Variants in IQCM observed in about 807,000 individuals in gnomAD.
IQCM encodes the protein IQ domain-containing protein M.
A neutral mutation model predicts 57.6 loss-of-function variants in IQCM; 45 were observed. The ratio of observed to expected loss-of-function variants is 0.78; its 90% CI spans 0.62 to 1.00. The LOEUF is 1.00. IQCM is among the 50% of genes least tolerant of loss of function. IQCM has a pLI of 0.00. For synonymous variants in IQCM, 148 were observed against 158.9 expected (o/e 0.93, Z 0.51); for missense variants, 468 against 511.6 (o/e 0.91, Z 0.82).
chr4:149,598,324 A>G (rs1457099404), intron 8 of IQCM, among the ~76,000 whole-genome samples: 1 of 152,188 alleles, frequency 6.6e-6, no homozygotes, highest in Non-Finnish European at 1.5e-5. Context: ...TCAATCTACC[A>G]TCGTTGTGTG....
intron 8 of IQCM, among the ~76,000 whole-genome samples, chr4:149,616,561 C>T (rs1379722709): frequency 2.0e-5 from 3 of 151,892 alleles, no homozygotes; most frequent in African/African-American, 7.3e-5. Flanking sequence ...GAACTATAAA[C>T]TTAAAAATGG....
At chr4:149,360,391 C>A (rs1039464647) in intron 13 of IQCM, among the ~76,000 whole-genome samples, 7 of 152,234 alleles carry the variant, frequency 4.6e-5, no homozygotes, top group African/African-American at 1.7e-4. Flanking sequence ...AATACTACAT[C>A]ATTTTTTATA....
chr4:149,366,839 T>C (rs992896785), intron 13 of IQCM, among the ~76,000 whole-genome samples: 21 of 151,946 alleles, frequency 1.4e-4, no homozygotes, highest in Admixed American at 6.6e-5. Context: ...CCTGTATGTA[T>C]AAAAATTTTC....
chr4:149,703,056 T>C (rs1763887723), intron 5 of IQCM, among the ~76,000 whole-genome samples: 1 of 151,976 alleles, frequency 6.6e-6, no homozygotes, highest in Non-Finnish European at 1.5e-5. Flanking sequence ...CTAACATAGC[T>C]TGCTTTGTGT....
chr4:149,544,722 G>C (rs1399147856), intron 12 of IQCM, among the ~76,000 whole-genome samples: 3 of 152,152 alleles, frequency 2.0e-5, no homozygotes, highest in Admixed American at 2.0e-4. Context: ...ATAGAATAGA[G>C]AGCCAAGAAA....
intron 12 of IQCM, among the ~76,000 whole-genome samples, chr4:149,483,143 A>AT (rs1240951850): frequency 6.6e-6 from 1 of 151,608 alleles, no homozygotes; most frequent in Non-Finnish European, 1.5e-5. Flanking sequence ...TTTTATTAAT[A>AT]TTTATTTGCA....
At chr4:149,642,397 G>T (rs542313358) in intron 7 of IQCM, among the ~76,000 whole-genome samples, 3 of 152,204 alleles carry the variant, frequency 2.0e-5, no homozygotes, top group African/African-American at 7.2e-5. Flanking sequence ...CATACCCATT[G>T]GTGTGTAATT....
intron 2 of IQCM, among the ~76,000 whole-genome samples, chr4:149,770,376 T>C (rs1770460163): frequency 6.6e-6 from 1 of 152,072 alleles, no homozygotes; most frequent in Non-Finnish European, 1.5e-5. Flanking sequence ...AAGAAAGTTG[T>C]AATATCAATT....
In IQCM at chr4:149,735,386, T is replaced by C; in HGVS notation, c.110A>G (p.Lys37Arg). Residue 37 changes from lysine to arginine, a missense_variant, in exon 4 of 14, where the codon AAA becomes AGA. Coordinates refer to ENST00000636793, the MANE Select transcript of IQCM (RefSeq NM_001363507.2). ...AKTLIAQHYEKINENKVQGTS... is the reference protein window; with the variant it reads ...AKTLIAQHYERINENKVQGTS... The stretch of plus-strand genomic sequence containing the variant: ...ATGCAAAGGACTAACCTCATTTATT[T>C]TCTCATAATGTTGGGCAATGAGAGT... 8.1e-7 allele frequency: 1 copy of C among 1,227,060 alleles called. No homozygotes were observed. Among genetic ancestry groups the C allele is most frequent in the Non-Finnish European group, 1.0e-6 (1 of 983,568 alleles). The allele number at this position is 1,227,060 out of a possible 1,614,324, so 76.0% of individuals were successfully genotyped here.
chr4:149,488,023 C>A (rs1057012861), intron 12 of IQCM, among the ~76,000 whole-genome samples: 2 of 152,024 alleles, frequency 1.3e-5, no homozygotes, highest in Middle Eastern at 3.2e-3. Flanking sequence ...TCTATTCTGC[C>A]ATCTTGCTCT....
intron 12 of IQCM, among the ~76,000 whole-genome samples, chr4:149,459,695 T>G (rs1738067390): frequency 6.6e-6 from 1 of 152,186 alleles, no homozygotes; most frequent in African/African-American, 2.4e-5. Flanking sequence ...ACAGAATCTG[T>G]CTGTGATTGG....
intron 12 of IQCM, among the ~76,000 whole-genome samples, chr4:149,441,982 T>C (rs757979854): frequency 2.5e-4 from 38 of 152,138 alleles, no homozygotes; most frequent in Non-Finnish European, 7.4e-5. Flanking sequence ...CCATCACTTG[T>C]TGCTAGCACC....
rs77711067 is a variant in IQCM, at chr4:149,687,203, C to A, written c.386-735G>T. Among the ~76,000 whole-genome samples, 403 of 151,564 alleles carry A rather than the reference C, an allele frequency of 2.7e-3. 15 individuals are homozygous for A. In the East Asian group the frequency reaches 0.069, roughly 26 times the overall value. ...TTAGAAAATTACAGGCTAGATGGAT[C>A]TCAATGTCATCAAAAAGAAGAGCGT... On this transcript the variant is annotated intron_variant, in intron 5 of 13. Coordinates refer to ENST00000636793, the MANE Select transcript of IQCM (RefSeq NM_001363507.2).
intron 8 of IQCM, among the ~76,000 whole-genome samples, chr4:149,611,513 G>A (rs1243019916): frequency 1.3e-5 from 2 of 152,240 alleles, no homozygotes; most frequent in East Asian, 3.9e-4. Flanking sequence ...TAAAAAGGAT[G>A]AAATCCTGTC....
At chr4:149,482,754 T>A (rs549771743) in intron 12 of IQCM, among the ~76,000 whole-genome samples, 3 of 151,684 alleles carry the variant, frequency 2.0e-5, no homozygotes, top group Non-Finnish European at 4.4e-5. Flanking sequence ...TTTTTTAATG[T>A]GTCTTTGGTT....
rs368666748 is a variant in IQCM at position 149,459,193 on chromosome 4, A to G, written c.1229-25636T>C. The stretch of plus-strand genomic sequence containing the variant: ...ATAAAATAATTGTTCTCTTCTTTAA[A>G]TGAGATAAAAACAAAACACATACAG... On this transcript the variant is annotated intron_variant, in intron 12 of 13. Transcript: ENST00000636793. Among the ~76,000 whole-genome samples, 7 of 152,328 alleles carry G rather than the reference A, an allele frequency of 4.6e-5. No individual in the cohort carries two copies. In the East Asian group the frequency reaches 9.6e-4, roughly 21 times the overall value.
At chr4:149,389,983 T>C (rs2111079874) in intron 13 of IQCM, among the ~76,000 whole-genome samples, 1 of 152,076 alleles carries the variant, frequency 6.6e-6, no homozygotes, top group African/African-American at 2.4e-5. Flanking sequence ...AACTTTAGAA[T>C]CAGCTTATGA....
chr4:149,502,954 C>A (rs182850073), intron 12 of IQCM, among the ~76,000 whole-genome samples: 2 of 151,734 alleles, frequency 1.3e-5, no homozygotes, highest in African/African-American at 4.8e-5. Context: ...AGGCCGGGCA[C>A]GGTGGCTCAT....
intron 13 of IQCM, among the ~76,000 whole-genome samples, chr4:149,400,649 T>A (rs1193953864): frequency 6.6e-6 from 1 of 152,000 alleles, no homozygotes; most frequent in Non-Finnish European, 1.5e-5. Context: ...AGCCCTTCTG[T>A]ATATTAAAAT....
Sources: allele counts gnomAD v4.1 joint callset (sites outside exome capture counted in the v4.1 genomes callset), GRCh38; gene constraint gnomAD v4.1.1; transcripts MANE v1.5; gene names NCBI Gene and HGNC (gene_info 2026-07-23, HGNC 2026-07-21).